NBEA: variants seen among roughly 807,000 people sequenced by gnomAD.
The protein encoded by NBEA is lysosomal-trafficking regulator 2.
In NBEA, 44 loss-of-function variants were observed where a neutral mutation model predicts 343.4. The ratio of observed to expected loss-of-function variants is 0.13; its 90% CI spans 0.10 to 0.16. The LOEUF is 0.16. Among genes scored for constraint, NBEA ranks in the 10% least tolerant of loss-of-function variants. The pLI is 1.00. For synonymous variants in NBEA, 1,175 were observed against 1,238.7 expected (o/e 0.95, Z 1.08); for missense variants, 2,555 against 3,631.3 (o/e 0.70, Z 7.62).
rs186014358 is a variant in NBEA at position 35,253,493 on chromosome 13, C to T, written c.5776+20874C>T. On this transcript the variant is annotated intron_variant, in intron 34 of 58. Transcript: ENST00000379939. Reference sequence around the variant, plus strand: ...ACGAGAATTGTGTGGCTTGCTTTATCGTGATACTTGCTTCATTACAGTGGT... The same window carrying T: ...ACGAGAATTGTGTGGCTTGCTTTATTGTGATACTTGCTTCATTACAGTGGT... 1.6e-4 allele frequency among the ~76,000 whole-genome samples: 25 copies of T among 152,290 alleles called. No individual in the cohort carries two copies. The South Asian group carries it at 2.1e-3, about 13-fold the overall frequency.
At chr13:35,418,696 G>A (rs925076845) in intron 38 of NBEA, among the ~76,000 whole-genome samples, 2 of 151,924 alleles carry the variant, frequency 1.3e-5, no homozygotes, top group Non-Finnish European at 2.9e-5. Context: ...TAATGGTGTT[G>A]GAACATAAGC....
chr13:35,071,688 A>G (rs1430389911), intron 10 of NBEA, among the ~76,000 whole-genome samples: 9 of 152,016 alleles, frequency 5.9e-5, no homozygotes, highest in Non-Finnish European at 1.3e-4. Context: ...TTAATGGGTT[A>G]TCTAATTTTG....
At chr13:35,267,081 C>CTCAT (rs1292892701) in intron 34 of NBEA, among the ~76,000 whole-genome samples, 1 of 151,840 alleles carries the variant, frequency 6.6e-6, no homozygotes, top group Non-Finnish European at 1.5e-5. Flanking sequence ...GGTCTTCAAC[C>CTCAT]TCATTGCCTT....
chr13:35,606,520 A>T lies in NBEA; in HGVS notation c.7391A>T (p.Asp2464Val), dbSNP rs749004741. 3.1e-6 allele frequency: 5 copies of T among 1,608,206 alleles called. No homozygotes were observed. In the East Asian group the frequency reaches 1.1e-4, roughly 36 times the overall value. The change falls in exon 48 of 59, where the codon GAT becomes GTT. Residue 2464 changes from aspartate (D) to valine (V), a missense_variant. By Grantham distance (152) the Asp-to-Val change is radical. This residue lies in a region of NBEA where 156 missense variants were observed against 185.8 expected (regional missense o/e 0.84). Coordinates refer to ENST00000379939, the MANE Select transcript of NBEA (RefSeq NM_001385012.1). ...GVREDEVVVN[D>V]VDLPPWAKKP... ...AGAGAAGATGAAGTAGTGGTAAATGATGTTGATCTTCCCCCTTGGGCAAAA... is the reference window on the plus strand; with the variant it reads ...AGAGAAGATGAAGTAGTGGTAAATGTTGTTGATCTTCCCCCTTGGGCAAAA...
At chr13:35,569,835 C>A (rs182386244) in intron 45 of NBEA, among the ~76,000 whole-genome samples, 1 of 152,116 alleles carries the variant, frequency 6.6e-6, no homozygotes, top group Non-Finnish European at 1.5e-5. Flanking sequence ...AAACACTGGC[C>A]CAGCCAAAGA....
chr13:35,488,965 A>G (rs575195950), intron 41 of NBEA, among the ~76,000 whole-genome samples: 1 of 151,928 alleles, frequency 6.6e-6, no homozygotes, highest in Non-Finnish European at 1.5e-5. Context: ...TAATTAAGTA[A>G]TTTGTAAAAT....
At chr13:35,376,362 C>T (rs774623277) in intron 38 of NBEA, among the ~76,000 whole-genome samples, 27 of 152,062 alleles carry the variant, frequency 1.8e-4, no homozygotes, top group Non-Finnish European at 2.8e-4. Flanking sequence ...AATTTAATTG[C>T]ACTGCTATAG....
chr13:35,569,706 T>G (rs2080304095), intron 45 of NBEA, among the ~76,000 whole-genome samples: 1 of 152,082 alleles, frequency 6.6e-6, no homozygotes, highest in African/African-American at 2.4e-5. Context: ...AAATGAAAAC[T>G]CAGATAGTTA....
chr13:35,194,576 CTGA>C (rs2072446724), intron 30 of NBEA, among the ~76,000 whole-genome samples: 1 of 152,068 alleles, frequency 6.6e-6, no homozygotes, highest in Non-Finnish European at 1.5e-5. Context: ...CTAACATTTA[CTGA>C]GCTTCTACTT....
intron 24 of NBEA, among the ~76,000 whole-genome samples, chr13:35,167,802 A>T (rs2070154387): frequency 6.6e-6 from 1 of 151,816 alleles, no homozygotes; most frequent in South Asian, 2.1e-4. Flanking sequence ...GAAAGTGAAA[A>T]ATTGGAGAAG....
At chr13:34,986,466 A>G (rs928532585) in intron 1 of NBEA, among the ~76,000 whole-genome samples, 2 of 150,872 alleles carry the variant, frequency 1.3e-5, no homozygotes, top group African/African-American at 2.4e-5. Flanking sequence ...CATGTGGTCA[A>G]TTTTGGAATA....
intron 1 of NBEA, among the ~76,000 whole-genome samples, chr13:34,994,927 A>C (rs1443623951): frequency 2.6e-5 from 4 of 152,186 alleles, no homozygotes; most frequent in African/African-American, 9.7e-5. Context: ...TGATAGCTTA[A>C]TGATTTCAAA....
chr13:35,285,291 A>T (rs936302021), intron 34 of NBEA, among the ~76,000 whole-genome samples: 4 of 152,032 alleles, frequency 2.6e-5, no homozygotes, highest in Admixed American at 2.6e-4. Flanking sequence ...TATCCACTGT[A>T]CTCCAGCCCA....
chr13:35,147,083 G>T (rs2068477675), intron 18 of NBEA, among the ~76,000 whole-genome samples: 1 of 152,090 alleles, frequency 6.6e-6, no homozygotes, highest in East Asian at 1.9e-4. Context: ...CACAGGCTTG[G>T]TGTTACATTT....
At chr13:34,967,214 G>GT (rs1270451993) in intron 1 of NBEA, among the ~76,000 whole-genome samples, 1 of 151,876 alleles carries the variant, frequency 6.6e-6, no homozygotes, top group Non-Finnish European at 1.5e-5. Context: ...CTACTGATTA[G>GT]TTGGGCAACT....
intron 1 of NBEA, among the ~76,000 whole-genome samples, chr13:35,015,094 C>T (rs563127606): frequency 6.2e-5 from 9 of 144,810 alleles, no homozygotes; most frequent in Admixed American, 2.8e-4. Context: ...CTTGCCTTGC[C>T]GCCTCCCTTC....
intron 39 of NBEA, among the ~76,000 whole-genome samples, chr13:35,433,374 T>G (rs1419284117): frequency 6.6e-6 from 1 of 152,074 alleles, no homozygotes; most frequent in African/African-American, 2.4e-5. Context: ...TTTTATTATA[T>G]TAATTTTCTT....
intron 11 of NBEA, among the ~76,000 whole-genome samples, chr13:35,099,021 T>TA: frequency 6.8e-6 from 1 of 147,836 alleles, no homozygotes; most frequent in South Asian, 2.1e-4. Flanking sequence ...TCTTTTCACT[T>TA]AGACTTTTTT....
chr13:35,048,770 T>A (rs531828130), intron 5 of NBEA, 86 bp downstream of exon 5: 6 of 708,734 alleles, frequency 8.5e-6, no homozygotes, highest in Non-Finnish European at 1.4e-5. Context: ...TTAGATAGAA[T>A]ATATGTATAT....
Sources: allele counts gnomAD v4.1 joint callset (sites outside exome capture counted in the v4.1 genomes callset), GRCh38; gene constraint gnomAD v4.1.1; regional missense constraint gnomAD v4.1.1; transcripts MANE v1.5; gene names NCBI Gene and HGNC (gene_info 2026-07-23, HGNC 2026-07-21).